The following SCARA3 variants were observed in gnomAD, a reference collection of about 807,000 sequenced individuals.
SCARA3 encodes the protein scavenger receptor class A member 3, also known as cellular stress response gene protein.
A neutral mutation model predicts 47.0 loss-of-function variants in SCARA3; 39 were observed. That is an observed-to-expected ratio of 0.83 (90% CI 0.64 to 1.08). The LOEUF (loss-of-function observed/expected upper bound fraction) is 1.08, where lower values mean the gene tolerates loss of function less well. SCARA3 is among the 50% of genes least tolerant of loss of function. The probability of loss-of-function intolerance (pLI) is 0.00; values close to 1 mark genes in which losing one functional copy is unlikely to be tolerated. For missense variants in SCARA3, 724 were observed against 792.3 expected (o/e 0.91, Z 1.04); for synonymous variants, 356 against 334.1 (o/e 1.07, Z -0.71).
the SCARA3 span, among the ~76,000 whole-genome samples, chr8:27,685,306 G>A: frequency 1.1e-4 from 16 of 152,148 alleles, no homozygotes; most frequent in African/African-American, 3.9e-4. Flanking sequence ...TGAATCAGTG[G>A]TTTAAATATT....
the SCARA3 span, among the ~76,000 whole-genome samples, chr8:27,725,042 T>C: frequency 6.6e-6 from 1 of 152,164 alleles, no homozygotes; most frequent in Non-Finnish European, 1.5e-5. Context: ...CCTAACACTC[T>C]GGGAGGCCAA....
At chr8:27,707,548 A>G in the SCARA3 span, among the ~76,000 whole-genome samples, 1 of 152,140 alleles carries the variant, frequency 6.6e-6, no homozygotes, top group Non-Finnish European at 1.5e-5. Flanking sequence ...GTAGAAGAAA[A>G]AAAATGAGGA....
At chr8:27,651,334 C>T (rs1367656604) in intron 2 of SCARA3, among the ~76,000 whole-genome samples, 174 bp from the exon 3 acceptor site, 1 of 152,206 alleles carries the variant, frequency 6.6e-6, no homozygotes, top group Non-Finnish European at 1.5e-5. Flanking sequence ...CCAGAAAGCA[C>T]CAGCACCTAG....
the SCARA3 span, among the ~76,000 whole-genome samples, chr8:27,732,789 T>C: frequency 2.4e-4 from 37 of 152,328 alleles, no homozygotes; most frequent in Admixed American, 6.5e-4. Flanking sequence ...CTGGTAAACA[T>C]TTAAGAATTC....
the SCARA3 span, among the ~76,000 whole-genome samples, chr8:27,694,117 T>A: frequency 0.43 from 64,976 of 152,098 alleles, 15,055 homozygotes; most frequent in Non-Finnish European, 0.52. Context: ...ATTTGAATCC[T>A]TGCTCTGTTG....
At chr8:27,649,893 G>T in intron 2 of SCARA3, 93 bp downstream of exon 2, 1 of 1,128,232 alleles carries the variant, frequency 8.9e-7, no homozygotes, top group South Asian at 1.5e-5. Context: ...CTCTTTAGGT[G>T]GTTTCAAAAG....
chr8:27,721,319 A>G, the SCARA3 span, among the ~76,000 whole-genome samples: 1 of 152,176 alleles, frequency 6.6e-6, no homozygotes, highest in Non-Finnish European at 1.5e-5. Flanking sequence ...CTCAACCAAT[A>G]TTATTGAGTA....
the SCARA3 span, among the ~76,000 whole-genome samples, chr8:27,709,195 A>G: frequency 6.6e-6 from 1 of 152,240 alleles, no homozygotes; most frequent in Non-Finnish European, 1.5e-5. Context: ...CCAGAAGCCC[A>G]AGTTAAAAGA....
At chr8:27,686,492 A>G in the SCARA3 span, among the ~76,000 whole-genome samples, 1 of 152,142 alleles carries the variant, frequency 6.6e-6, no homozygotes, top group Non-Finnish European at 1.5e-5. Context: ...TTTAAAGACA[A>G]AAAATAATAA....
In SCARA3 at chr8:27,646,977, C is replaced by T. The variant is rs567421720; in HGVS notation, c.8-2725C>T. 4.7e-4 allele frequency among the ~76,000 whole-genome samples: 51 copies of T among 109,394 alleles called. 9 individuals are homozygous for T. Among genetic ancestry groups the T allele is most frequent in the Non-Finnish European group, 8.5e-4 (43 of 50,436 alleles). 71.8% of individuals were successfully genotyped at this position (109,394 alleles called of 152,430 possible). ...CCGCACCCCTGACCGCCCCCGCCCC[C>T]CCCCCGCACACACACACTATTGCCC... On this transcript the variant is annotated intron_variant, in intron 1 of 5. Coordinates refer to ENST00000301904, the MANE Select transcript of SCARA3 (RefSeq NM_016240.3).
At chr8:27,706,575 G>A in the SCARA3 span, among the ~76,000 whole-genome samples, 23 of 152,274 alleles carry the variant, frequency 1.5e-4, no homozygotes, top group South Asian at 4.1e-4. Context: ...AGAAGGACAC[G>A]AGATGGGGAA....
the SCARA3 span, among the ~76,000 whole-genome samples, chr8:27,727,730 A>G: frequency 1.3e-5 from 2 of 152,218 alleles, no homozygotes; most frequent in Non-Finnish European, 2.9e-5. Flanking sequence ...TGGAAACTTT[A>G]CCTAAAAAAT....
downstream of SCARA3, among the ~76,000 whole-genome samples, chr8:27,680,547 A>G (rs1412516266): frequency 6.6e-6 from 1 of 152,166 alleles, no homozygotes; most frequent in South Asian, 2.1e-4. Flanking sequence ...AATTGAATTC[A>G]TAGTTTAAAA....
chr8:27,660,093 C>T (rs1801861953), intron 5 of SCARA3, among the ~76,000 whole-genome samples: 1 of 151,998 alleles, frequency 6.6e-6, no homozygotes, highest in African/African-American at 2.4e-5. Context: ...TGCTCCCAAC[C>T]ACCCAACCCT....
Position 27,671,342 on chromosome 8 carries a change from C to T in SCARA3, c.1812C>T (p.Ser604=), listed in dbSNP as rs777212618. Residue 604 remains serine (S), a synonymous_variant, in exon 6 of 6, where the codon AGC becomes AGT. Coordinates refer to ENST00000301904, the MANE Select transcript of SCARA3 (RefSeq NM_016240.3). ...CTCCAGGTCCACCAGGAAGCCAGAG[C>T]TTCTACTGAGGAGGGCTGTGGCAGA... ...PGPPGPPGSQ[S]FY is the part of the protein sequence containing the mutation. 9.8e-6 allele frequency: 14 copies of T among 1,423,384 alleles called. No individual in the cohort carries two copies. The African/African-American group carries it at 2.1e-4, about 21-fold the overall frequency. 88.2% of individuals were successfully genotyped at this position (1,423,384 alleles called of 1,614,324 possible). A position where few individuals can be genotyped will look rare whatever the true frequency, so the allele number is the denominator to read the frequency against.
At chr8:27,733,595 AG>A in the SCARA3 span, 1 of 152,278 alleles carries the variant, frequency 6.6e-6, no homozygotes, top group Middle Eastern at 3.4e-3. Flanking sequence ...TTGGAATTTA[AG>A]TTTCTAATTT....
At chr8:27,638,314 T>TGTGTG (rs1554535995) in intron 1 of SCARA3, among the ~76,000 whole-genome samples, 1 of 146,620 alleles carries the variant, frequency 6.8e-6, no homozygotes. Flanking sequence ...AATTTAGTGA[T>TGTGTG]TGTGTGTGTG....
the SCARA3 span, among the ~76,000 whole-genome samples, chr8:27,716,607 T>C: frequency 1.3e-5 from 2 of 152,160 alleles, no homozygotes; most frequent in African/African-American, 2.4e-5. Flanking sequence ...TTATTTCTGA[T>C]AATAAAATGC....
chr8:27,644,737 T>G (rs1801456118), intron 1 of SCARA3, among the ~76,000 whole-genome samples: 1 of 151,966 alleles, frequency 6.6e-6, no homozygotes, highest in African/African-American at 2.4e-5. Context: ...ACATGATGAT[T>G]TCATTACCCC....
Sources: gnomAD v4.1 joint callset for allele counts (sites outside exome capture counted in the v4.1 genomes callset) on GRCh38, gnomAD v4.1.1 for gene constraint, MANE v1.5 for transcripts, NCBI Gene and HGNC (gene_info 2026-07-23, HGNC 2026-07-21) for gene names.